CELF2: variants seen among roughly 807,000 people sequenced by gnomAD.
CELF2 encodes the protein CUGBP Elav-like family member 2.
Under a neutral mutation model 62.6 loss-of-function variants are expected in CELF2, and 8 were observed. The ratio of observed to expected loss-of-function variants is 0.13; its 90% CI spans 0.07 to 0.23. CELF2 has a LOEUF of 0.23. Ranked by LOEUF, CELF2 falls within the 10% of genes least tolerant of loss-of-function variation. The probability of loss-of-function intolerance (pLI) is 1.00; values close to 1 mark genes in which losing one functional copy is unlikely to be tolerated. For synonymous variants in CELF2, 258 were observed against 250.0 expected (o/e 1.03, Z -0.30); for missense variants, 333 against 671.0 (o/e 0.50, Z 5.56).
the CELF2 span, among the ~76,000 whole-genome samples, chr10:10,557,514 C>A: frequency 6.2e-5 from 9 of 145,064 alleles, no homozygotes; most frequent in Non-Finnish European, 1.3e-4. Flanking sequence ...CTTGGCGATG[C>A]GAGCTCTTTT....
At chr10:11,018,611 G>A (rs971444809) in intron 1 of CELF2, among the ~76,000 whole-genome samples, 2 of 149,494 alleles carry the variant, frequency 1.3e-5, no homozygotes, top group African/African-American at 4.9e-5. Context: ...GAGTCCCGGG[G>A]TCCGGTGGGG....
rs965119308 is a variant in CELF2, at chr10:11,012,838, G to A, written c.53+7398G>A. Among the ~76,000 whole-genome samples the A allele has an allele frequency of 2.6e-5, 4 of 152,062 alleles. No homozygotes were observed. The highest frequency in any genetic ancestry group is 1.9e-4 in the East Asian group (1 of 5,196). ...CACTTGGTATGGTTTGACAAATCTC[G>A]GCATCTTCAAGAGGGCACTGGGACA... On this transcript the variant is annotated intron_variant, in intron 1 of 12. Coordinates refer to the CELF2 transcript ENST00000416382. The surrounding 1 kb of genome is among the most constrained non-coding windows in gnomAD (Gnocchi z 5.5).
At chr10:10,641,095 G>A in the CELF2 span, among the ~76,000 whole-genome samples, 114 of 152,272 alleles carry the variant, frequency 7.5e-4, 1 homozygote, top group South Asian at 0.018. Context: ...CTTACTGACC[G>A]TTCTGGATAA....
intron 1 of CELF2, among the ~76,000 whole-genome samples, chr10:10,908,214 A>ATTTTTTTTTTT (rs796857171): frequency 0.02 from 1,637 of 83,716 alleles, 327 homozygotes; most frequent in Non-Finnish European, 0.028. Flanking sequence ...GTATGAGGGG[A>ATTTTTTTTTTT]TTTTTTTTTT....
chr10:11,142,722 AGAG>A (rs962369501), intron 1 of CELF2, among the ~76,000 whole-genome samples: 16 of 151,574 alleles, frequency 1.1e-4, no homozygotes, highest in Non-Finnish European at 1.5e-4. Flanking sequence ...GCTGTCATAA[AGAG>A]ATTAATGACC....
intron 2 of CELF2, among the ~76,000 whole-genome samples, chr10:11,183,632 C>G (rs2074079440): frequency 6.6e-6 from 1 of 152,194 alleles, no homozygotes; most frequent in Non-Finnish European, 1.5e-5. Context: ...TAATTTTACC[C>G]CTTCTAATCT....
intron 2 of CELF2, among the ~76,000 whole-genome samples, chr10:11,215,571 C>T (rs1181014773): frequency 2.0e-5 from 3 of 147,268 alleles, no homozygotes; most frequent in Non-Finnish European, 4.5e-5. Flanking sequence ...AAGTTACCTG[C>T]CTGAAAGTAT....
rs397966581 is a variant in CELF2, at chr10:11,186,313, T to TTC, written c.271+20631_271+20632insTC. ...TTTTGTTGCTTTTTTTTTTTTTTTT[T>TTC]CTATTTCTTTGGCTTTCACTTTAAT... On this transcript the variant is annotated intron_variant, in intron 2 of 12. Transcript: ENST00000633077. Among the ~76,000 whole-genome samples the TTC allele has an allele frequency of 1.6e-4, 23 of 144,946 alleles. 1 individual carries two copies. In the South Asian group the frequency reaches 4.5e-3, roughly 28 times the overall value.
At chr10:10,647,595 A>C in the CELF2 span, among the ~76,000 whole-genome samples, 1 of 152,206 alleles carries the variant, frequency 6.6e-6, no homozygotes, top group Non-Finnish European at 1.5e-5. Context: ...TGCATTTTAC[A>C]TGGTGCCTCC....
At chr10:11,043,795 C>T (rs2062281642) in intron 1 of CELF2, among the ~76,000 whole-genome samples, 1 of 152,188 alleles carries the variant, frequency 6.6e-6, no homozygotes, top group South Asian at 2.1e-4. Flanking sequence ...GGTCACCCGA[C>T]CATCATCTCT....
intron 5 of CELF2, 29 bp downstream of exon 5, chr10:11,257,901 C>T (rs1056923714): frequency 1.9e-6 from 3 of 1,612,384 alleles, no homozygotes; most frequent in Non-Finnish European, 2.5e-6. Context: ...AAGCCTCTCC[C>T]CTTCAGTGCT....
At chr10:11,209,202 G>A (rs541376726) in intron 2 of CELF2, among the ~76,000 whole-genome samples, 8 of 152,290 alleles carry the variant, frequency 5.3e-5, no homozygotes, top group Non-Finnish European at 7.3e-5. Flanking sequence ...GCAGGAATAC[G>A]TGAGAGAGCT....
chr10:10,637,896 A>G, the CELF2 span, among the ~76,000 whole-genome samples: 1 of 152,242 alleles, frequency 6.6e-6, no homozygotes, highest in African/African-American at 2.4e-5. Flanking sequence ...AACAAGCATT[A>G]TATTTACAAG....
At chr10:10,911,898 G>T (rs1453324388) in intron 1 of CELF2, among the ~76,000 whole-genome samples, 1 of 152,222 alleles carries the variant, frequency 6.6e-6, no homozygotes, top group African/African-American at 2.4e-5. Flanking sequence ...TGAGAGGCTG[G>T]CCTCTGTAGC....
chr10:11,295,805 A>T (rs1367850359), intron 9 of CELF2, among the ~76,000 whole-genome samples: 1 of 152,132 alleles, frequency 6.6e-6, no homozygotes, highest in Non-Finnish European at 1.5e-5. Flanking sequence ...GGCATTGATC[A>T]TCCTGCTTCT....
chr10:10,704,040 G>A, the CELF2 span, among the ~76,000 whole-genome samples: 2 of 152,102 alleles, frequency 1.3e-5, no homozygotes, highest in Non-Finnish European at 2.9e-5. Flanking sequence ...TGCTTTTACG[G>A]TGGAACTTCT....
At chr10:10,575,399 A>T in the CELF2 span, among the ~76,000 whole-genome samples, 24 of 152,236 alleles carry the variant, frequency 1.6e-4, 1 homozygote, top group African/African-American at 4.8e-5. Context: ...AAGTACTCAC[A>T]AAACTTGCTC....
At chr10:11,212,737 G>GTTTTTT (rs11354880) in intron 2 of CELF2, among the ~76,000 whole-genome samples, 1 of 91,964 alleles carries the variant, frequency 1.1e-5, no homozygotes, top group Non-Finnish European at 2.2e-5. Context: ...TGTGTTTTGG[G>GTTTTTT]TTTTTTTTTT....
rs2046417578 is a variant in CELF2, at chr10:10,936,595, C to T, written c.89+16596C>T. 6.6e-6 allele frequency: 1 copy of T among 152,254 alleles called. No individual in the cohort carries two copies. The highest frequency in any genetic ancestry group is 2.1e-4 in the South Asian group (1 of 4,824). 9.4% of individuals were successfully genotyped at this position (152,254 alleles called of 1,614,324 possible). ...TTCTTGGGGCAGAAGAGTCAGGAAC[C>T]CTTTTAACTGCTTTCTGGTTGTCTG... On this transcript the variant is annotated intron_variant, in intron 2 of 13. Coordinates refer to the CELF2 transcript ENST00000636488. The surrounding 1 kb of genome is among the most constrained non-coding windows in gnomAD (Gnocchi z 4.0).
Sources: allele counts gnomAD v4.1 joint callset (sites outside exome capture counted in the v4.1 genomes callset), GRCh38; gene constraint gnomAD v4.1.1; non-coding constraint Gnocchi (gnomAD v3.1); transcripts MANE v1.5; gene names NCBI Gene and HGNC (gene_info 2026-07-23, HGNC 2026-07-21).